Variants in NLGN1 observed in about 807,000 individuals in gnomAD.
NLGN1 encodes the protein neuroligin-1.
A neutral mutation model predicts 65.5 loss-of-function variants in NLGN1; 12 were observed. The observed-to-expected ratio is 0.18, with a 90% CI of 0.12 to 0.30. The LOEUF (loss-of-function observed/expected upper bound fraction) is 0.30, where lower values mean the gene tolerates loss of function less well. Ranked by LOEUF, NLGN1 falls within the 10% of genes least tolerant of loss-of-function variation. The pLI is 1.00. For missense variants in NLGN1, 750 were observed against 1,007.1 expected (o/e 0.74, Z 3.46); for synonymous variants, 350 against 359.5 (o/e 0.97, Z 0.30).
At chr3:174,017,848 C>G (rs1373091524) in intron 4 of NLGN1, among the ~76,000 whole-genome samples, 1 of 152,086 alleles carries the variant, frequency 6.6e-6, no homozygotes, top group Non-Finnish European at 1.5e-5. Context: ...ATTAAAATTG[C>G]TAATGAAGTT....
chr3:174,103,285 AC>A (rs1208781362), intron 4 of NLGN1, among the ~76,000 whole-genome samples: 1 of 152,174 alleles, frequency 6.6e-6, no homozygotes, highest in Admixed American at 6.5e-5. Context: ...AAAATTTTGG[AC>A]TGGAAAGAGG....
intron 4 of NLGN1, among the ~76,000 whole-genome samples, chr3:174,254,904 A>G (rs1745400988): frequency 6.6e-6 from 1 of 152,190 alleles, no homozygotes; most frequent in African/African-American, 2.4e-5. Context: ...CTCCCTTGTT[A>G]TATATATTTT....
chr3:173,409,751 G>A (rs1712119368), intron 1 of NLGN1, among the ~76,000 whole-genome samples: 1 of 152,178 alleles, frequency 6.6e-6, no homozygotes, highest in African/African-American at 2.4e-5. Context: ...GAATAAGTTT[G>A]TCTGACTATT....
chr3:174,023,207 C>CT (rs1292611263), intron 4 of NLGN1, among the ~76,000 whole-genome samples: 1 of 152,082 alleles, frequency 6.6e-6, no homozygotes, highest in Non-Finnish European at 1.5e-5. Flanking sequence ...GGAATATTCT[C>CT]TTTGCTCTAC....
intron 4 of NLGN1, among the ~76,000 whole-genome samples, chr3:174,223,557 A>T (rs1739049894): frequency 6.6e-6 from 1 of 152,052 alleles, no homozygotes; most frequent in Non-Finnish European, 1.5e-5. Context: ...CCTTCAACTA[A>T]CACCTGCCCC....
intron 4 of NLGN1, among the ~76,000 whole-genome samples, chr3:174,212,669 T>C (rs1218261091): frequency 6.6e-6 from 1 of 152,248 alleles, no homozygotes; most frequent in East Asian, 1.9e-4. Flanking sequence ...TAGTTTTCTA[T>C]AGCTGCTACA....
intron 4 of NLGN1, among the ~76,000 whole-genome samples, chr3:174,229,181 C>T (rs1013558130): frequency 6.6e-6 from 1 of 151,882 alleles, no homozygotes; most frequent in Admixed American, 6.6e-5. Context: ...AAATGCACTA[C>T]TATTTCTAAA....
At chr3:173,553,130 G>A (rs990144928) in intron 2 of NLGN1, among the ~76,000 whole-genome samples, 1 of 152,136 alleles carries the variant, frequency 6.6e-6, no homozygotes, top group Admixed American at 6.5e-5. Context: ...CCTCCAAATT[G>A]TAAATACTTG....
chr3:173,922,269 TAGAA>T (rs1742181348), intron 4 of NLGN1, among the ~76,000 whole-genome samples: 2 of 152,018 alleles, frequency 1.3e-5, no homozygotes, highest in South Asian at 4.1e-4. Flanking sequence ...GAACTTTAAA[TAGAA>T]AGAATAAGGC....
intron 2 of NLGN1, among the ~76,000 whole-genome samples, chr3:173,503,948 C>T (rs956839502): frequency 4.0e-5 from 6 of 151,708 alleles, no homozygotes; most frequent in Admixed American, 2.0e-4. Flanking sequence ...TTCTTTTGCT[C>T]GCTGAAGAGA....
At chr3:173,542,738 C>T (rs1331029773) in intron 2 of NLGN1, among the ~76,000 whole-genome samples, 1 of 151,984 alleles carries the variant, frequency 6.6e-6, no homozygotes, top group Non-Finnish European at 1.5e-5. Context: ...TGTCTCATCT[C>T]CCAACTCTGG....
intron 3 of NLGN1, among the ~76,000 whole-genome samples, chr3:173,652,450 G>A (rs552721983): frequency 6.6e-6 from 1 of 152,246 alleles, no homozygotes; most frequent in African/African-American, 2.4e-5. Context: ...TGTGTTGGGT[G>A]TGAGAGAGGG....
rs185359236 is a variant in NLGN1 at position 173,490,113 on chromosome 3, T to G, written c.-321+55035T>G. Among the ~76,000 whole-genome samples, 1,362 of 152,272 alleles carry G rather than the reference T, an allele frequency of 8.9e-3. 23 individuals carry two copies. Among genetic ancestry groups the G allele is most frequent in the African/African-American group, 0.032 (1,311 of 41,554 alleles). ...AATTTGATCCCACTTGTCAATTTTG[T>G]CTTTTGTTGCCATTGCTTTTGGTGT... On this transcript the variant is annotated intron_variant, in intron 2 of 6. Coordinates refer to ENST00000457714, the Ensembl canonical transcript of NLGN1.
intron 4 of NLGN1, among the ~76,000 whole-genome samples, chr3:174,152,171 T>C (rs970597176): frequency 6.6e-6 from 1 of 152,092 alleles, no homozygotes; most frequent in African/African-American, 2.4e-5. Context: ...TGAAGAGAAG[T>C]AGAGCTAAAC....
At chr3:173,949,379 CTG>C (rs1230156266) in intron 4 of NLGN1, among the ~76,000 whole-genome samples, 3 of 152,100 alleles carry the variant, frequency 2.0e-5, no homozygotes, top group Admixed American at 6.6e-5. Context: ...AAGAGCAAAA[CTG>C]TAAATAAGAC....
chr3:173,653,043 T>C (rs1382025803), intron 3 of NLGN1, among the ~76,000 whole-genome samples: 1 of 152,198 alleles, frequency 6.6e-6, no homozygotes, highest in Admixed American at 6.5e-5. Context: ...CTCGGTTTCA[T>C]TGTTGTTAGT....
At chr3:173,723,996 A>T (rs181177044) in intron 3 of NLGN1, among the ~76,000 whole-genome samples, 1 of 152,250 alleles carries the variant, frequency 6.6e-6, no homozygotes, top group Non-Finnish European at 1.5e-5. Context: ...AGTCAGAATA[A>T]CTCTCAAGTT....
intron 2 of NLGN1, among the ~76,000 whole-genome samples, chr3:173,469,212 T>C (rs247971): frequency 0.1 from 15,572 of 152,152 alleles, 881 homozygotes; most frequent in Admixed American, 0.14. Flanking sequence ...ATTACAATAA[T>C]TTGTCTTGAA....
intron 4 of NLGN1, among the ~76,000 whole-genome samples, chr3:173,880,139 A>T (rs1467092127): frequency 6.6e-6 from 1 of 152,206 alleles, no homozygotes; most frequent in Non-Finnish European, 1.5e-5. Context: ...TTAGGTAAAT[A>T]CCTAATTTAA....
Sources: gnomAD v4.1 joint callset for allele counts (sites outside exome capture counted in the v4.1 genomes callset) on GRCh38, gnomAD v4.1.1 for gene constraint, MANE v1.5 for transcripts, NCBI Gene and HGNC (gene_info 2026-07-23, HGNC 2026-07-21) for gene names.